ERC2: variants seen among roughly 807,000 people sequenced by gnomAD.
The protein encoded by ERC2 is ERC protein 2.
ERC2 carries 42 observed loss-of-function variants against 114.8 expected under a neutral mutation model. The observed-to-expected ratio is 0.37, with a 90% CI of 0.29 to 0.47. The LOEUF (loss-of-function observed/expected upper bound fraction) is 0.47, where lower values mean the gene tolerates loss of function less well. ERC2 is among the 20% of genes least tolerant of loss of function. The pLI, the probability that ERC2 is intolerant of heterozygous loss-of-function variation, is 0.99. For synonymous variants in ERC2, 454 were observed against 425.5 expected (o/e 1.07, Z -0.82); for missense variants, 939 against 1,150.7 (o/e 0.82, Z 2.66).
At chr3:55,985,071 G>A (rs988410412) in intron 12 of ERC2, among the ~76,000 whole-genome samples, 3 of 152,184 alleles carry the variant, frequency 2.0e-5, no homozygotes, top group South Asian at 2.1e-4. Flanking sequence ...TTGATGTGAT[G>A]CTTTCTTTTT....
At chr3:56,132,799 ATATGTGTATG>A (rs2080283442) in intron 6 of ERC2, among the ~76,000 whole-genome samples, 2 of 152,202 alleles carry the variant, frequency 1.3e-5, no homozygotes, top group Non-Finnish European at 2.9e-5. Context: ...ATATATGAAT[ATATGTGTATG>A]TATGTGTATG....
chr3:56,023,100 G>A (rs980593402), intron 7 of ERC2, among the ~76,000 whole-genome samples: 4 of 152,120 alleles, frequency 2.6e-5, no homozygotes, highest in African/African-American at 9.7e-5. Flanking sequence ...GTTCAGCAGG[G>A]GAGCTTTGTT....
At position 56,467,588 on chromosome 3, in the gene ERC2, T is replaced by C. The variant is rs142076305; in HGVS notation, c.-141+660A>G. Among the ~76,000 whole-genome samples, 333 of 152,028 alleles carry C rather than the reference T, an allele frequency of 2.2e-3. 14 individuals carry two copies. Among genetic ancestry groups the C allele is most frequent in the Admixed American group, 0.02 (306 of 15,284 alleles). On this transcript the variant is annotated intron_variant, in intron 1 of 17. Transcript: ENST00000288221. ...TTAATTAGGTACACCTTCGTAAGTA[T>C]CCCTTTTTTTGTATAATTAGGAGAT...
chr3:56,151,922 G>A (rs541260103), intron 4 of ERC2, among the ~76,000 whole-genome samples: 5 of 152,228 alleles, frequency 3.3e-5, no homozygotes, highest in East Asian at 3.9e-4. Flanking sequence ...CGCCCTAATC[G>A]CCAAAGAGCT....
chr3:56,342,071 C>A (rs2058110312), intron 2 of ERC2, among the ~76,000 whole-genome samples: 1 of 152,306 alleles, frequency 6.6e-6, no homozygotes, highest in East Asian at 1.9e-4. Flanking sequence ...CAGTGGCAAC[C>A]CTCCCACCCT....
intron 15 of ERC2, among the ~76,000 whole-genome samples, chr3:55,721,922 T>C (rs2064579046): frequency 1.3e-5 from 2 of 152,140 alleles, no homozygotes; most frequent in African/African-American, 4.8e-5. Flanking sequence ...TGTTTGTAAT[T>C]CTAGGAGTGC....
intron 2 of ERC2, among the ~76,000 whole-genome samples, chr3:56,369,959 G>A (rs2059301472): frequency 6.6e-6 from 1 of 152,238 alleles, no homozygotes. Flanking sequence ...ATAGGCATGA[G>A]CCACCACGCC....
intron 17 of ERC2, among the ~76,000 whole-genome samples, chr3:55,636,519 A>G (rs906411939): frequency 6.6e-6 from 1 of 152,214 alleles, no homozygotes; most frequent in Non-Finnish European, 1.5e-5. Context: ...TTAGATGATC[A>G]ATAATTACAT....
intron 14 of ERC2, among the ~76,000 whole-genome samples, chr3:55,765,934 A>C (rs1352023332): frequency 6.6e-6 from 1 of 152,242 alleles, no homozygotes; most frequent in Non-Finnish European, 1.5e-5. Flanking sequence ...GTGAGAGGGC[A>C]GTAGAGTAGG....
intron 2 of ERC2, among the ~76,000 whole-genome samples, chr3:56,298,344 T>C (rs2055594186): frequency 6.6e-6 from 1 of 152,236 alleles, no homozygotes; most frequent in African/African-American, 2.4e-5. Flanking sequence ...TCGTTCCTTT[T>C]TATGGCTGAA....
At chr3:56,437,676 T>C (rs2062086077) in intron 1 of ERC2, among the ~76,000 whole-genome samples, 1 of 152,208 alleles carries the variant, frequency 6.6e-6, no homozygotes, top group South Asian at 2.1e-4. Flanking sequence ...TTCTTGGAAA[T>C]ACACAAAAAC....
At chr3:55,565,172 G>T (rs1468303211) in intron 17 of ERC2, among the ~76,000 whole-genome samples, 2 of 152,158 alleles carry the variant, frequency 1.3e-5, no homozygotes, top group Non-Finnish European at 2.9e-5. Flanking sequence ...AAGAAAAAAA[G>T]AAGTTTCACA....
intron 17 of ERC2, among the ~76,000 whole-genome samples, chr3:55,641,522 C>A (rs1176311015): frequency 3.4e-5 from 4 of 118,504 alleles, no homozygotes; most frequent in African/African-American, 1.3e-4. Context: ...TGCACTATAG[C>A]CTGGGTGACA....
chr3:55,514,719 G>A (rs2052366813), intron 17 of ERC2, among the ~76,000 whole-genome samples: 1 of 152,214 alleles, frequency 6.6e-6, no homozygotes, highest in African/African-American at 2.4e-5. Context: ...CCAAAAACCC[G>A]AAGGAGCTTG....
At chr3:56,456,346 A>G (rs1312661033) in intron 1 of ERC2, among the ~76,000 whole-genome samples, 1 of 152,244 alleles carries the variant, frequency 6.6e-6, no homozygotes, top group Admixed American at 6.5e-5. Context: ...GGACTCATAA[A>G]TAAGACTGAT....
chr3:55,759,020 T>C (rs2148990084), intron 14 of ERC2, among the ~76,000 whole-genome samples: 1 of 152,346 alleles, frequency 6.6e-6, no homozygotes, highest in Admixed American at 6.5e-5. Context: ...TTGATATTTT[T>C]AGTTCTTTGC....
intron 17 of ERC2, among the ~76,000 whole-genome samples, chr3:55,520,866 A>G (rs1180714549): frequency 6.6e-6 from 1 of 152,248 alleles, no homozygotes; most frequent in African/African-American, 2.4e-5. Context: ...AGCATATACA[A>G]GTCACAGGAA....
chr3:56,300,463 C>T (rs1289476533), intron 2 of ERC2, among the ~76,000 whole-genome samples: 2 of 152,038 alleles, frequency 1.3e-5, no homozygotes, highest in Non-Finnish European at 2.9e-5. Context: ...CATCCCAAAC[C>T]AAGAGGCCAC....
intron 2 of ERC2, among the ~76,000 whole-genome samples, chr3:56,412,217 C>T (rs950968650): frequency 6.6e-6 from 1 of 152,106 alleles, no homozygotes; most frequent in Non-Finnish European, 1.5e-5. Context: ...CTGGCAGCCA[C>T]CAAAAGGAGA....
Sources: allele counts gnomAD v4.1 joint callset (sites outside exome capture counted in the v4.1 genomes callset), GRCh38; gene constraint gnomAD v4.1.1; transcripts MANE v1.5; gene names NCBI Gene and HGNC (gene_info 2026-07-23, HGNC 2026-07-21).